Variants in PCDHGA7 observed in about 807,000 individuals in gnomAD.
PCDHGA7 encodes protocadherin gamma-A7.
PCDHGA7 carries 44 observed loss-of-function variants against 58.3 expected under a neutral mutation model. The observed-to-expected ratio is 0.75, with a 90% CI of 0.59 to 0.97. The LOEUF is 0.97. Among genes scored for constraint, PCDHGA7 ranks in the 50% least tolerant of loss-of-function variants. The pLI, the probability that PCDHGA7 is intolerant of heterozygous loss-of-function variation, is 0.00. For missense variants in PCDHGA7, 1,266 were observed against 1,188.7 expected (o/e 1.06, Z -0.96); for synonymous variants, 516 against 504.2 (o/e 1.02, Z -0.31).
intron 1 of PCDHGA7, chr5:141,399,118 A>G: frequency 6.2e-7 from 1 of 1,613,822 alleles, no homozygotes; most frequent in Non-Finnish European, 8.5e-7. Context: ...TACAGTTGAA[A>G]TTAATATTCA....
intron 1 of PCDHGA7, chr5:141,389,075 A>T: frequency 6.2e-7 from 1 of 1,614,066 alleles, no homozygotes; most frequent in Non-Finnish European, 8.5e-7. Context: ...CTTCTTCAAG[A>T]AACACGTATA....
intron 1 of PCDHGA7, chr5:141,392,318 C>T (rs1213951508): frequency 6.6e-6 from 1 of 152,062 alleles, no homozygotes; most frequent in Non-Finnish European, 1.5e-5. Context: ...TTTTTTAAGA[C>T]CAAATGTATT....
At chr5:141,433,320 T>A in intron 1 of PCDHGA7, 1 of 792,046 alleles carries the variant, frequency 1.3e-6, no homozygotes, top group Non-Finnish European at 2.0e-6. Flanking sequence ...TTGCCTCCGG[T>A]GTAACAGGGA....
intron 1 of PCDHGA7, among the ~76,000 whole-genome samples, chr5:141,481,031 C>G (rs926205148): frequency 1.3e-5 from 2 of 152,108 alleles, no homozygotes; most frequent in Non-Finnish European, 2.9e-5. Flanking sequence ...GCACTCCAGC[C>G]TGGGCGACAG....
intron 1 of PCDHGA7, among the ~76,000 whole-genome samples, chr5:141,444,110 A>C (rs1284415694): frequency 6.7e-6 from 1 of 149,880 alleles, no homozygotes; most frequent in Non-Finnish European, 1.5e-5. Flanking sequence ...AACCAAGAAA[A>C]GTGAAGTATC....
At chr5:141,408,342 TG>T in intron 1 of PCDHGA7, 1 of 1,613,856 alleles carries the variant, frequency 6.2e-7, no homozygotes, top group Non-Finnish European at 8.5e-7. Context: ...GGCTCGGTGG[TG>T]GGGAACCTCG....
At chr5:141,405,062 T>C in intron 1 of PCDHGA7, 1 of 1,613,918 alleles carries the variant, frequency 6.2e-7, no homozygotes, top group Non-Finnish European at 8.5e-7. Flanking sequence ...CTCCTGTGTC[T>C]TCCTCACCTT....
chr5:141,388,848 G>A (rs766706887), intron 1 of PCDHGA7: 6 of 1,613,942 alleles, frequency 3.7e-6, no homozygotes, highest in South Asian at 3.3e-5. Flanking sequence ...AGCAAGGGAC[G>A]GTGGAGGAAT....
Position 141,470,005 on chromosome 5 carries a change from T to A in PCDHGA7, c.2425-24802T>A, listed in dbSNP as rs189976589. Reference sequence around the variant, plus strand: ...AATTAGCTGGTCGTCGTGGCACGCCTGTAATCCCAGCTACTCGGGATGCTG... The same window carrying A: ...AATTAGCTGGTCGTCGTGGCACGCCAGTAATCCCAGCTACTCGGGATGCTG... On this transcript the variant is annotated intron_variant, in intron 1 of 3. Coordinates refer to ENST00000518325, the MANE Select transcript of PCDHGA7 (RefSeq NM_018920.4). 2.4e-4 allele frequency among the ~76,000 whole-genome samples: 37 copies of A among 152,254 alleles called. 2 individuals carry two copies. The highest frequency in any genetic ancestry group is 7.2e-4 in the Admixed American group (11 of 15,274).
At chr5:141,444,637 G>C (rs2098443357) in intron 1 of PCDHGA7, among the ~76,000 whole-genome samples, 1 of 152,236 alleles carries the variant, frequency 6.6e-6, no homozygotes, top group Non-Finnish European at 1.5e-5. Context: ...CCAGTTCATT[G>C]AGGTAGGGGT....
Position 141,487,642 on chromosome 5 carries a change from G to A in PCDHGA7, c.2425-7165G>A, listed in dbSNP as rs747328649. 1.2e-6 allele frequency: 2 copies of A among 1,614,130 alleles called. No individual in the cohort carries two copies. The highest frequency in any genetic ancestry group is 1.3e-5 in the African/African-American group (1 of 75,062). On this transcript the variant is annotated intron_variant, in intron 1 of 3. Transcript: ENST00000518325. This position sits in a 1 kb window ranked among gnomAD's most constrained non-coding sequence, Gnocchi z 5.0. ...TGAGACCTTTGCAGGCTCAACAAAT[G>A]CTTGAGGGTTATTCTGATCCAGGCA...
chr5:141,470,969 A>T (rs62379203), intron 1 of PCDHGA7, among the ~76,000 whole-genome samples: 1 of 151,298 alleles, frequency 6.6e-6, no homozygotes, highest in Non-Finnish European at 1.5e-5. Flanking sequence ...CTCCCACCTC[A>T]GCCTCCCAAA....
At chr5:141,399,515 C>G (rs748098945) in intron 1 of PCDHGA7, 1 of 1,614,040 alleles carries the variant, frequency 6.2e-7, no homozygotes, top group Non-Finnish European at 8.5e-7. Context: ...AACAACCCTC[C>G]TGGGGCCTCC....
rs558944208 is a variant in PCDHGA7, at chr5:141,478,187, A to G, written c.2425-16620A>G. On this transcript the variant is annotated intron_variant, in intron 1 of 3. Coordinates refer to ENST00000518325, the MANE Select transcript of PCDHGA7 (RefSeq NM_018920.4). ...CCCCCGGGAGCAGAAAAAAAATCTC[A>G]CCTTTTATCTACTTCTTTCTCTAAT... is the stretch of plus-strand genomic sequence containing the variant. The G allele has an allele frequency of 2.9e-5, 46 of 1,613,548 alleles. No individual in the cohort carries two copies. The highest frequency in any genetic ancestry group is 3.9e-5 in the Non-Finnish European group (46 of 1,179,954).
rs776176122 is a variant in PCDHGA7, at chr5:141,408,982, T to C, written c.2424+23659T>C. 124 of 1,613,830 alleles carry C rather than the reference T, an allele frequency of 7.7e-5. 1 individual carries two copies. Among genetic ancestry groups the C allele is most frequent in the Admixed American group, 3.7e-4 (22 of 59,994 alleles). ...GTGAAAATCTGCCCCCTGGGTCCCC[T>C]GTGTTGCAAGTGACAGCCACTGACC... On this transcript the variant is annotated intron_variant, in intron 1 of 3. Transcript: ENST00000518325.
chr5:141,482,546 A>C (rs1489817593), intron 1 of PCDHGA7, among the ~76,000 whole-genome samples: 1 of 151,868 alleles, frequency 6.6e-6, no homozygotes, highest in African/African-American at 2.4e-5. Context: ...AAAAAAAAAA[A>C]AAAGATAATG....
chr5:141,460,981 GTGTATATATA>G (rs1332002052), intron 1 of PCDHGA7, among the ~76,000 whole-genome samples: 6 of 121,884 alleles, frequency 4.9e-5, no homozygotes, highest in Non-Finnish European at 1.0e-4. Flanking sequence ...GTGTGTGTGT[GTGTATATATA>G]TATATGTGTA....
chr5:141,468,528 G>A (rs2154569956), intron 1 of PCDHGA7: 1 of 152,056 alleles, frequency 6.6e-6, no homozygotes, highest in South Asian at 2.1e-4. Context: ...TTTTTTGCAG[G>A]TAGTTTCCTG....
At chr5:141,421,783 A>G in intron 1 of PCDHGA7, 1 of 1,613,882 alleles carries the variant, frequency 6.2e-7, no homozygotes, top group East Asian at 2.2e-5. Flanking sequence ...ACTGCGGGGC[A>G]GAACGGATGG....
Sources: allele counts gnomAD v4.1 joint callset (sites outside exome capture counted in the v4.1 genomes callset), GRCh38; gene constraint gnomAD v4.1.1; non-coding constraint Gnocchi (gnomAD v3.1); transcripts MANE v1.5; gene names NCBI Gene and HGNC (gene_info 2026-07-23, HGNC 2026-07-21).